Variants in PRR5 observed in about 807,000 individuals in gnomAD.
PRR5 encodes the protein proline rich 5.
In PRR5, 25 loss-of-function variants were observed where a neutral mutation model predicts 30.6. The observed-to-expected ratio is 0.82, with a 90% CI of 0.60 to 1.14. PRR5 has a LOEUF of 1.14. Ranked by LOEUF, PRR5 falls within the 50% of genes most tolerant of loss-of-function variation. PRR5 has a pLI of 0.00. For synonymous variants in PRR5, 286 were observed against 247.1 expected (o/e 1.16, Z -1.48); for missense variants, 600 against 547.1 (o/e 1.10, Z -0.96).
intron 3 of PRR5, 56 bp downstream of exon 3, chr22:44,725,348 C>T (rs1920926399): frequency 1.2e-6 from 2 of 1,606,116 alleles, no homozygotes; most frequent in Non-Finnish European, 1.7e-6. Flanking sequence ...AGCCAGAAAG[C>T]ACAGGGGCTC....
Position 44,737,355 on chromosome 22 carries a change from C to T in PRR5, c.*108C>T. 6.9e-7 allele frequency: 1 copy of T among 1,453,690 alleles called. No individual in the cohort carries two copies. Among genetic ancestry groups the T allele is most frequent in the Non-Finnish European group, 9.1e-7 (1 of 1,104,668 alleles). The allele number at this position is 1,453,690 out of a possible 1,614,324, so 90.0% of individuals were successfully genotyped here. On this transcript the variant is annotated 3_prime_UTR_variant, in exon 8 of 8. Coordinates refer to ENST00000336985, the MANE Select transcript of PRR5 (RefSeq NM_181333.4). Reference sequence around the variant, plus strand: ...TTTTACTGCGTCCCGTCCCGCCAGCCCTATCGGCCTCGTCACTGGCCTTGG... The same window carrying T: ...TTTTACTGCGTCCCGTCCCGCCAGCTCTATCGGCCTCGTCACTGGCCTTGG...
chr22:44,732,355 G>GC lies in PRR5; in HGVS notation c.524dup (p.Ala176CysfsTer14). On this transcript the variant is annotated frameshift_variant, in exon 6 of 8. Coordinates refer to ENST00000336985, the MANE Select transcript of PRR5 (RefSeq NM_181333.4). LOFTEE classifies it high-confidence loss of function. ...CGCTGGCCCGGGCCCATGCCCGTGT[G>GC]CCCCCTGCCATCGTGCAGATGCTGC... is the stretch of plus-strand genomic sequence containing the variant. 6.2e-7 allele frequency: 1 copy of GC among 1,611,208 alleles called. No homozygotes were observed. The highest frequency in any genetic ancestry group is 8.5e-7 in the Non-Finnish European group (1 of 1,179,702).
intron 1 of PRR5, among the ~76,000 whole-genome samples, chr22:44,680,061 C>T (rs541307282): frequency 6.6e-6 from 1 of 152,314 alleles, no homozygotes; most frequent in Non-Finnish European, 1.5e-5. Flanking sequence ...ATGTCAGTCC[C>T]TCCTGGGAGC....
intron 2 of PRR5, 71 bp downstream of exon 2, chr22:44,714,742 C>G (rs1183021099): frequency 2.3e-5 from 36 of 1,574,970 alleles, no homozygotes; most frequent in East Asian, 1.6e-4. Context: ...GTCGAAGGCC[C>G]CAGCCAGGCC....
Position 44,722,842 on chromosome 22 carries a change from T to C in PRR5, c.216-2402T>C, listed in dbSNP as rs902333997. 5.9e-5 allele frequency among the ~76,000 whole-genome samples: 9 copies of C among 152,152 alleles called. No homozygotes were observed. In the South Asian group the frequency reaches 6.2e-4, roughly 11 times the overall value. On this transcript the variant is annotated intron_variant, in intron 2 of 7. Coordinates refer to ENST00000336985, the MANE Select transcript of PRR5 (RefSeq NM_181333.4). ...AGCAAGCCTTATTTGGGCTTTTTTT[T>C]CCCAGCATGTTGCTTTTGAAAACTC... is the stretch of plus-strand genomic sequence containing the variant.
In PRR5 at chr22:44,737,342, C is replaced by T. The variant is rs1923471828; in HGVS notation, c.*95C>T. On this transcript the variant is annotated 3_prime_UTR_variant, in exon 8 of 8. Transcript: ENST00000336985. ...GTGAGTGAGACTTTTTTACTGCGTC[C>T]CGTCCCGCCAGCCCTATCGGCCTCG... 1.4e-6 allele frequency: 2 copies of T among 1,477,592 alleles called. No individual in the cohort carries two copies. Among genetic ancestry groups the T allele is most frequent in the Non-Finnish European group, 1.8e-6 (2 of 1,115,614 alleles). 91.5% of individuals were successfully genotyped at this position (1,477,592 alleles called of 1,614,324 possible).
intron 2 of PRR5, among the ~76,000 whole-genome samples, chr22:44,718,730 C>T (rs1929487175): frequency 6.6e-6 from 1 of 152,196 alleles, no homozygotes; most frequent in Non-Finnish European, 1.5e-5. Context: ...TTTTAATTTG[C>T]ATTTCCCTGA....
At chr22:44,684,101 G>C (rs1236382513) in intron 1 of PRR5, among the ~76,000 whole-genome samples, 11 of 152,312 alleles carry the variant, frequency 7.2e-5, no homozygotes, top group Non-Finnish European at 1.5e-4. Flanking sequence ...AGAGGGGTGG[G>C]CTGAGGAGGG....
At chr22:44,705,879 C>T (rs1927114363) in intron 1 of PRR5, among the ~76,000 whole-genome samples, 1 of 152,136 alleles carries the variant, frequency 6.6e-6, no homozygotes, top group Admixed American at 6.5e-5. Flanking sequence ...CATTCTCCGC[C>T]CCCACAGGTT....
intron 6 of PRR5, 150 bp downstream of exon 6, chr22:44,732,541 C>G: frequency 1.6e-6 from 2 of 1,263,920 alleles, no homozygotes; most frequent in South Asian, 1.5e-5. Context: ...GGCCAGGGAC[C>G]GGGGAGCAGC....
At position 44,696,533 on chromosome 22, in the gene PRR5, C is replaced by T. The variant is rs184071557; in HGVS notation, c.-10-5959C>T. The stretch of plus-strand genomic sequence containing the variant: ...GACCTGCTGGCCAGAGCCCCCTCCC[C>T]GGCCCCTAGAACTGAAATCCAGAAC... On this transcript the variant is annotated intron_variant, in intron 1 of 8. Coordinates refer to the PRR5 transcript ENST00000006251. Among the ~76,000 whole-genome samples, 480 of 152,190 alleles carry T rather than the reference C, an allele frequency of 3.2e-3. 3 individuals carry two copies. The highest frequency in any genetic ancestry group is 0.011 in the African/African-American group (461 of 41,512).
At chr22:44,722,293 T>C (rs1043539633) in intron 2 of PRR5, among the ~76,000 whole-genome samples, 1 of 152,162 alleles carries the variant, frequency 6.6e-6, no homozygotes, top group Admixed American at 6.5e-5. Flanking sequence ...ATCCATGAAA[T>C]GGGGACACTA....
chr22:44,719,127 T>C (rs1217330371), intron 2 of PRR5, among the ~76,000 whole-genome samples: 6 of 151,806 alleles, frequency 4.0e-5, no homozygotes, highest in African/African-American at 1.2e-4. Flanking sequence ...CTCGACTTGC[T>C]GAAGAGCAGT....
chr22:44,732,166 C>G lies in PRR5; in HGVS notation c.415-85C>G, dbSNP rs565700908. ...GGCCTGAGGGTCGGCAGGTCTCTTCCCCCTGTGGGGTCCCAGGACCGGGAG... is the reference window on the plus strand; with the variant it reads ...GGCCTGAGGGTCGGCAGGTCTCTTCGCCCTGTGGGGTCCCAGGACCGGGAG... On this transcript the variant is annotated intron_variant, in intron 5 of 7. Coordinates refer to ENST00000336985, the MANE Select transcript of PRR5 (RefSeq NM_181333.4). 1.2e-3 allele frequency: 1,841 copies of G among 1,568,910 alleles called. 40 individuals are homozygous for G. In the South Asian group the frequency reaches 0.02, roughly 17 times the overall value.
chr22:44,701,334 A>G (rs1926264909), upstream of PRR5, among the ~76,000 whole-genome samples: 1 of 152,122 alleles, frequency 6.6e-6, no homozygotes, highest in African/African-American at 2.4e-5. Context: ...GTGAAGCCCA[A>G]CTCTACCATT....
intron 2 of PRR5, among the ~76,000 whole-genome samples, chr22:44,717,189 CTT>C (rs57193514): frequency 3.4e-5 from 4 of 116,732 alleles, no homozygotes; most frequent in Non-Finnish European, 3.3e-5. Flanking sequence ...CCCCCTTACC[CTT>C]TTTTTTTTTT....
Position 44,737,096 on chromosome 22 carries a change from C to G in PRR5, c.1016C>G (p.Ser339Cys). 4.3e-6 allele frequency: 7 copies of G among 1,612,036 alleles called. No homozygotes were observed. The South Asian group carries it at 6.6e-5, about 15-fold the overall frequency. ...PEQGLDPTRS[S>C]LPRSSPENLV... Reference sequence around the variant, plus strand: ...CAGGGCTTGGATCCCACCCGCAGCTCCCTGCCCCGCTCCAGCCCGGAGAAC... The same window carrying G: ...CAGGGCTTGGATCCCACCCGCAGCTGCCTGCCCCGCTCCAGCCCGGAGAAC... Residue 339 changes from serine (S) to cysteine (C), a missense_variant, in exon 8 of 8, where the codon TCC becomes TGC. Coordinates refer to ENST00000336985, the MANE Select transcript of PRR5 (RefSeq NM_181333.4).
At chr22:44,732,947 G>A (rs1055669111) in intron 6 of PRR5, among the ~76,000 whole-genome samples, 1 of 149,234 alleles carries the variant, frequency 6.7e-6, no homozygotes, top group African/African-American at 2.5e-5. Flanking sequence ...ACACACGTGT[G>A]CACACATACG....
chr22:44,689,896 G>A (rs767374114), intron 1 of PRR5, among the ~76,000 whole-genome samples: 22 of 152,282 alleles, frequency 1.4e-4, no homozygotes, highest in Non-Finnish European at 2.5e-4. Context: ...TGATCTGCCC[G>A]CCTCGGCTTC....
Sources: allele counts gnomAD v4.1 joint callset (sites outside exome capture counted in the v4.1 genomes callset), GRCh38; gene constraint gnomAD v4.1.1; transcripts MANE v1.5; gene names NCBI Gene and HGNC (gene_info 2026-07-23, HGNC 2026-07-21).